The following SYNPO2 variants were observed in gnomAD, a reference collection of about 807,000 sequenced individuals.
SYNPO2 encodes synaptopodin-2.
Under a neutral mutation model 85.0 loss-of-function variants are expected in SYNPO2, and 56 were observed. That is an observed-to-expected ratio of 0.66 (90% confidence interval 0.53 to 0.82). The LOEUF is 0.82. Among genes scored for constraint, SYNPO2 ranks in the 40% least tolerant of loss-of-function variants. The probability of loss-of-function intolerance (pLI) is 0.00; values close to 1 mark genes in which losing one functional copy is unlikely to be tolerated. For synonymous variants in SYNPO2, 602 were observed against 591.1 expected, an observed-to-expected ratio of 1.02 and a Z score of -0.27; for missense variants, 1,575 against 1,534.2, an observed-to-expected ratio of 1.03 and a Z score of -0.44.
chr4:118,967,191 G>C (rs17327631), intron 1 of SYNPO2, among the ~76,000 whole-genome samples: 16,918 of 152,076 alleles, frequency 0.11, 1,107 homozygotes, highest in East Asian at 0.15. Flanking sequence ...GCCCATTTTA[G>C]CTCCCACTCT....
At chr4:118,870,030 G>T (rs893199581) in intron 1 of SYNPO2, among the ~76,000 whole-genome samples, 2 of 152,198 alleles carry the variant, frequency 1.3e-5, no homozygotes, top group Admixed American at 6.5e-5. Context: ...TGACTTTCCT[G>T]ATCTATTGGC....
intron 1 of SYNPO2, among the ~76,000 whole-genome samples, chr4:118,940,213 C>T (rs1053952890): frequency 5.3e-5 from 8 of 151,800 alleles, no homozygotes; most frequent in East Asian, 1.9e-4. Flanking sequence ...GTCGATCTCT[C>T]GACCTCATGA....
At chr4:118,992,090 A>T (rs1172282795) in intron 1 of SYNPO2, among the ~76,000 whole-genome samples, 1 of 152,116 alleles carries the variant, frequency 6.6e-6, no homozygotes, top group Non-Finnish European at 1.5e-5. Flanking sequence ...GCGGCAGGAG[A>T]TGGTGCTAGG....
At chr4:118,900,701 CTCTATATATATATATA>C (rs1368132829) in intron 1 of SYNPO2, among the ~76,000 whole-genome samples, 138 of 27,194 alleles carry the variant, frequency 5.1e-3, no homozygotes, top group East Asian at 0.022. Context: ...CTCTCTCTCT[CTCTATATATATATATA>C]TATATATATA....
At chr4:118,867,127 C>T (rs1239991712) in intron 1 of SYNPO2, among the ~76,000 whole-genome samples, 1 of 152,076 alleles carries the variant, frequency 6.6e-6, no homozygotes, top group African/African-American at 2.4e-5. Context: ...GCAACTTTTG[C>T]ACTAAGACCA....
At chr4:118,860,060 A>C (rs1276260685) in intron 1 of SYNPO2, among the ~76,000 whole-genome samples, 3 of 152,110 alleles carry the variant, frequency 2.0e-5, no homozygotes, top group Non-Finnish European at 2.9e-5. Flanking sequence ...CCTTTTCTCC[A>C]TATCCTTGTC....
intron 1 of SYNPO2, among the ~76,000 whole-genome samples, chr4:118,923,072 C>G (rs138709212): frequency 9.2e-5 from 14 of 152,200 alleles, no homozygotes; most frequent in Non-Finnish European, 1.3e-4. Context: ...ACAAAATATT[C>G]TCTGCCATAC....
chr4:118,935,912 T>C (rs933932364), intron 1 of SYNPO2, among the ~76,000 whole-genome samples: 5 of 152,170 alleles, frequency 3.3e-5, no homozygotes. Context: ...GCAGTCTTCA[T>C]GTTGCGTAGG....
chr4:118,984,536 C>G (rs1363466604), intron 1 of SYNPO2, among the ~76,000 whole-genome samples: 2 of 152,192 alleles, frequency 1.3e-5, no homozygotes, highest in Non-Finnish European at 2.9e-5. Context: ...ACAGGCCAGA[C>G]ACAGGCCAGC....
intron 4 of SYNPO2, chr4:119,035,083 G>C (rs1738450894): frequency 5.1e-6 from 5 of 985,264 alleles, no homozygotes; most frequent in African/African-American, 1.7e-5. Flanking sequence ...GTTATGTTAG[G>C]TGCCTTATGT....
chr4:119,026,710 A>G lies in SYNPO2; in HGVS notation c.341A>G (p.Glu114Gly), dbSNP rs1217981426. 1 of 1,614,176 alleles carries G rather than the reference A, an allele frequency of 6.2e-7. No homozygotes were observed. Among genetic ancestry groups the G allele is most frequent in the East Asian group, 2.2e-5 (1 of 44,886 alleles). Reference protein sequence around the residue: ...LEHLTHGGYVESTTLQIRPAT... With the variant: ...LEHLTHGGYVGSTTLQIRPAT... Reference sequence around the variant, plus strand: ...CATCTCACACATGGGGGTTATGTGGAAAGTACCACCCTGCAGATTCGACCG... The same window carrying G: ...CATCTCACACATGGGGGTTATGTGGGAAGTACCACCCTGCAGATTCGACCG... The change falls in exon 3 of 5, where the codon GAA becomes GGA. Residue 114 changes from glutamate (E) to glycine (G), a missense_variant. By Grantham distance (98) the Glu-to-Gly change is moderately conservative (BLOSUM62 -2). Coordinates refer to ENST00000307142, the MANE Select transcript of SYNPO2 (RefSeq NM_133477.3).
chr4:118,993,978 A>C (rs1736498163), intron 1 of SYNPO2, among the ~76,000 whole-genome samples: 1 of 152,228 alleles, frequency 6.6e-6, no homozygotes, highest in African/African-American at 2.4e-5. Flanking sequence ...GCTGATCGTC[A>C]GTCCTATGCA....
chr4:118,869,967 A>G (rs1328714397), intron 1 of SYNPO2, among the ~76,000 whole-genome samples: 2 of 152,248 alleles, frequency 1.3e-5, no homozygotes, highest in African/African-American at 4.8e-5. Context: ...AACCACAACA[A>G]TAACAACAGA....
chr4:118,977,302 C>T (rs971386596), intron 1 of SYNPO2, among the ~76,000 whole-genome samples: 2 of 152,224 alleles, frequency 1.3e-5, no homozygotes, highest in Non-Finnish European at 2.9e-5. Context: ...GGTGCTAAGT[C>T]CCCCATTGCC....
chr4:118,912,981 A>C (rs1175748463), intron 1 of SYNPO2, among the ~76,000 whole-genome samples: 1 of 152,218 alleles, frequency 6.6e-6, no homozygotes, highest in Non-Finnish European at 1.5e-5. Context: ...ATTTCAAGGC[A>C]AAATCAACCA....
intron 1 of SYNPO2, among the ~76,000 whole-genome samples, chr4:118,948,090 A>G (rs1469179518): frequency 6.6e-6 from 1 of 152,234 alleles, no homozygotes; most frequent in Non-Finnish European, 1.5e-5. Context: ...TTCCCTCTCT[A>G]GAATTTTTGT....
At chr4:118,860,807 G>A (rs559932387) in intron 1 of SYNPO2, among the ~76,000 whole-genome samples, 17 of 151,948 alleles carry the variant, frequency 1.1e-4, no homozygotes, top group Admixed American at 2.6e-4. Flanking sequence ...CACTTGCCTC[G>A]GCATCCCAAA....
chr4:119,051,187 T>TGTTTTTG (rs1553950325), intron 4 of SYNPO2, among the ~76,000 whole-genome samples: 1 of 4,356 alleles, frequency 2.3e-4, no homozygotes, highest in South Asian at 8.8e-3. Flanking sequence ...TGGGAAGCAA[T>TGTTTTTG]TTTTTTTTTT....
chr4:118,958,645 G>A (rs528823535), intron 1 of SYNPO2, among the ~76,000 whole-genome samples: 1 of 152,266 alleles, frequency 6.6e-6, no homozygotes, highest in East Asian at 1.9e-4. Context: ...GCGTTGCAAT[G>A]TGTCCACAGT....
Sources: gnomAD v4.1 joint callset for allele counts (sites outside exome capture counted in the v4.1 genomes callset) on GRCh38, gnomAD v4.1.1 for gene constraint, MANE v1.5 for transcripts, NCBI Gene and HGNC (gene_info 2026-07-23, HGNC 2026-07-21) for gene names.